Variants in CDYL2 observed in about 807,000 individuals in gnomAD.
The protein encoded by CDYL2 is chromodomain Y like 2.
CDYL2 carries 23 observed loss-of-function variants against 49.4 expected under a neutral mutation model. The observed-to-expected ratio is 0.47, with a 90% CI of 0.34 to 0.66. The LOEUF (loss-of-function observed/expected upper bound fraction) is 0.66, where lower values mean the gene tolerates loss of function less well. CDYL2 is among the 30% of genes least tolerant of loss of function. The pLI is 0.01. For synonymous variants in CDYL2, 360 were observed against 268.8 expected (o/e 1.34, Z -3.32); for missense variants, 678 against 656.4 (o/e 1.03, Z -0.36).
intron 1 of CDYL2, among the ~76,000 whole-genome samples, chr16:80,746,980 C>T (rs553620962): frequency 6.6e-6 from 1 of 152,222 alleles, no homozygotes; most frequent in Non-Finnish European, 1.5e-5. Flanking sequence ...GGCTGGATTT[C>T]AAAAGCCACT....
At chr16:80,762,219 A>G (rs565279536) in intron 1 of CDYL2, among the ~76,000 whole-genome samples, 1 of 152,264 alleles carries the variant, frequency 6.6e-6, no homozygotes, top group South Asian at 2.1e-4. Flanking sequence ...AACAAAGGCT[A>G]CATCTATTGT....
chr16:80,711,831 T>C (rs72807923), intron 1 of CDYL2, among the ~76,000 whole-genome samples: 2,037 of 152,166 alleles, frequency 0.013, 21 homozygotes, highest in Middle Eastern at 0.048. Context: ...CTGATGTACC[T>C]AGCAAGAGCA....
At chr16:80,700,226 G>C (rs1230248348) in intron 1 of CDYL2, among the ~76,000 whole-genome samples, 2 of 152,176 alleles carry the variant, frequency 1.3e-5, no homozygotes, top group African/African-American at 4.8e-5. Context: ...AGATAAATTA[G>C]AAAGTTAAAC....
At chr16:80,641,979 G>A (rs76144566) in intron 2 of CDYL2, among the ~76,000 whole-genome samples, 13,935 of 151,442 alleles carry the variant, frequency 0.092, 2,190 homozygotes, top group African/African-American at 0.32. Flanking sequence ...AGAAAAAAAC[G>A]GAATACTATA....
At chr16:80,777,011 G>A (rs1026962953) in intron 1 of CDYL2, among the ~76,000 whole-genome samples, 2 of 151,828 alleles carry the variant, frequency 1.3e-5, no homozygotes, top group Non-Finnish European at 2.9e-5. Flanking sequence ...TAATAGGGAC[G>A]GGGTTTTACC....
intron 1 of CDYL2, among the ~76,000 whole-genome samples, chr16:80,749,658 ACACATAC>A (rs1430655948): frequency 6.6e-6 from 1 of 152,230 alleles, no homozygotes; most frequent in African/African-American, 2.4e-5. Context: ...AACAACTCCA[ACACATAC>A]CAAAACTTAA....
chr16:80,688,290 C>T (rs1910278249), intron 1 of CDYL2, among the ~76,000 whole-genome samples: 1 of 152,184 alleles, frequency 6.6e-6, no homozygotes. Context: ...GCAGTATTAA[C>T]AGGACCATCT....
At chr16:80,635,114 A>G (rs1907757634) in intron 2 of CDYL2, among the ~76,000 whole-genome samples, 1 of 152,242 alleles carries the variant, frequency 6.6e-6, no homozygotes, top group South Asian at 2.1e-4. Flanking sequence ...AAAGGGAATT[A>G]TACGCCACAA....
intron 1 of CDYL2, among the ~76,000 whole-genome samples, chr16:80,734,372 T>C (rs757805442): frequency 1.2e-4 from 19 of 152,178 alleles, no homozygotes; most frequent in Non-Finnish European, 2.6e-4. Flanking sequence ...ACACTTTCCA[T>C]AGGCACGAGG....
intron 2 of CDYL2, among the ~76,000 whole-genome samples, chr16:80,637,135 T>C (rs1018625972): frequency 6.6e-6 from 1 of 151,978 alleles, no homozygotes; most frequent in Admixed American, 6.6e-5. Context: ...CAAACCACCA[T>C]GGCACGTGTA....
intron 1 of CDYL2, among the ~76,000 whole-genome samples, chr16:80,716,514 T>G (rs374180014): frequency 6.6e-6 from 1 of 151,782 alleles, no homozygotes; most frequent in Non-Finnish European, 1.5e-5. Flanking sequence ...GATGGATGGA[T>G]GATAAATGGA....
intron 1 of CDYL2, among the ~76,000 whole-genome samples, chr16:80,725,062 A>G (rs1215990162): frequency 6.6e-6 from 1 of 152,154 alleles, no homozygotes; most frequent in African/African-American, 2.4e-5. Context: ...CAACTGAGTC[A>G]CCTTCTATCG....
At chr16:80,686,348 G>A (rs1910193014) in intron 1 of CDYL2, among the ~76,000 whole-genome samples, 2 of 152,182 alleles carry the variant, frequency 1.3e-5, no homozygotes. Context: ...AAAGAAGGTG[G>A]AAAATTCCCA....
At chr16:80,608,849 A>C (rs899087489) in intron 5 of CDYL2, among the ~76,000 whole-genome samples, 1 of 152,152 alleles carries the variant, frequency 6.6e-6, no homozygotes, top group Non-Finnish European at 1.5e-5. Flanking sequence ...TGGTACTTGA[A>C]TTCCCCAGCC....
intron 1 of CDYL2, among the ~76,000 whole-genome samples, chr16:80,773,816 G>A (rs1163569833): frequency 6.6e-6 from 1 of 152,002 alleles, no homozygotes; most frequent in Non-Finnish European, 1.5e-5. Context: ...ATATATTTAG[G>A]AGCAATGGCA....
chr16:80,731,887 C>A (rs1300020624), intron 1 of CDYL2, among the ~76,000 whole-genome samples: 2 of 148,730 alleles, frequency 1.3e-5, no homozygotes, highest in African/African-American at 4.9e-5. Flanking sequence ...ACATGAAACC[C>A]AACACATAAG....
intron 2 of CDYL2, among the ~76,000 whole-genome samples, chr16:80,661,784 T>A (rs1347642615): frequency 2.6e-5 from 4 of 152,208 alleles, no homozygotes; most frequent in African/African-American, 9.7e-5. Context: ...AGAGCTCATT[T>A]CACTATGTTA....
rs983931831 is a variant in CDYL2, at chr16:80,714,035, G to A, written c.25-28906C>T. The stretch of plus-strand genomic sequence containing the variant: ...TGGAGGAAAGACAAGCCATTCCCAC[G>A]TTGCCTATCTAAATTCCTGACCCTC... On this transcript the variant is annotated intron_variant, in intron 1 of 6. Coordinates refer to ENST00000570137, the MANE Select transcript of CDYL2 (RefSeq NM_152342.4). Among the ~76,000 whole-genome samples, 6 of 152,110 alleles carry A rather than the reference G, an allele frequency of 3.9e-5. No individual in the cohort carries two copies. The East Asian group carries it at 7.7e-4, about 20-fold the overall frequency.
At chr16:80,694,349 G>C (rs558330573) in intron 1 of CDYL2, among the ~76,000 whole-genome samples, 1 of 152,192 alleles carries the variant, frequency 6.6e-6, no homozygotes, top group Non-Finnish European at 1.5e-5. Context: ...ATAACCAGGG[G>C]GTTAGGAACC....
Sources: gnomAD v4.1 joint callset for allele counts (sites outside exome capture counted in the v4.1 genomes callset) on GRCh38, gnomAD v4.1.1 for gene constraint, MANE v1.5 for transcripts, NCBI Gene and HGNC (gene_info 2026-07-23, HGNC 2026-07-21) for gene names.